ABI3BP: variants seen among roughly 807,000 people sequenced by gnomAD.
ABI3BP encodes target of Nesh-SH3.
In ABI3BP, 216 loss-of-function variants were observed where a neutral mutation model predicts 268.6. That is an observed-to-expected ratio of 0.80 (90% CI 0.72 to 0.90). ABI3BP has a LOEUF of 0.90. ABI3BP is among the 40% of genes least tolerant of loss of function. The pLI is 0.00. For synonymous variants in ABI3BP, 730 were observed against 730.0 expected, an observed-to-expected ratio of 1.00 and a Z score of 0.00; for missense variants, 2,090 against 2,182.4, an observed-to-expected ratio of 0.96 and a Z score of 0.84.
At chr3:100,813,796 G>T in intron 44 of ABI3BP, 61 bp from the exon 45 acceptor site, 1 of 1,359,834 alleles carries the variant, frequency 7.4e-7, no homozygotes, top group South Asian at 1.3e-5. Flanking sequence ...ATAGGTTTTA[G>T]ACAGAGGTAG....
chr3:100,755,839 CT>C (rs1256890027), intron 63 of ABI3BP, among the ~76,000 whole-genome samples: 2 of 152,088 alleles, frequency 1.3e-5, no homozygotes, highest in Non-Finnish European at 2.9e-5. Flanking sequence ...TTGCTCAAGG[CT>C]TTTGGGAGAT....
intron 53 of ABI3BP, 101 bp from the exon 54 acceptor site, chr3:100,795,104 G>A (rs991731441): frequency 4.1e-6 from 3 of 740,494 alleles, no homozygotes; most frequent in East Asian, 3.2e-5. Context: ...AGTAGAAAAA[G>A]GAAAGAAGAA....
chr3:100,875,007 A>T (rs1353118465), intron 8 of ABI3BP, 74 bp from the exon 9 acceptor site: 1 of 817,036 alleles, frequency 1.2e-6, no homozygotes, highest in East Asian at 2.7e-5. Flanking sequence ...TCAGCACATC[A>T]GATATTACAA....
chr3:100,898,863 C>A lies in ABI3BP; in HGVS notation c.360G>T (p.Leu120=), dbSNP rs1167593729. 2.5e-6 allele frequency: 4 copies of A among 1,612,846 alleles called. No homozygotes were observed. The highest frequency in any genetic ancestry group is 3.4e-6 in the Non-Finnish European group (4 of 1,179,526). ...GKTRSRKPLQ[L]VVGTLTPSSV... is the part of the protein sequence containing the mutation. ...AGCTCGGTGTCAGAGTGCCAACCAC[C>A]AGCTGCAGAGGTTTGCGAGAACGAG... Residue 120 remains leucine, a synonymous_variant, in exon 4 of 68, where the codon CTG becomes CTT. Coordinates refer to ENST00000471714, the MANE Select transcript of ABI3BP (RefSeq NM_001375547.2).
At chr3:100,851,851 A>T (rs1209119803) in intron 15 of ABI3BP, 24 bp downstream of exon 15, 2 of 1,563,376 alleles carry the variant, frequency 1.3e-6, no homozygotes, top group Non-Finnish European at 1.7e-6. Context: ...GGATCCAAAG[A>T]CAGAATTGAG....
chr3:100,939,752 T>A (rs2068020742), intron 1 of ABI3BP, among the ~76,000 whole-genome samples: 1 of 152,032 alleles, frequency 6.6e-6, no homozygotes, highest in Non-Finnish European at 1.5e-5. Context: ...GAGACAGGGT[T>A]TTGAGAGCAA....
chr3:100,985,409 A>G (rs1217442723), intron 1 of ABI3BP, among the ~76,000 whole-genome samples: 1 of 152,000 alleles, frequency 6.6e-6, no homozygotes, highest in African/African-American at 2.4e-5. Flanking sequence ...TTGGCCTCCC[A>G]AAGTGCTGGG....
At chr3:100,937,267 A>G (rs1383563964) in intron 1 of ABI3BP, among the ~76,000 whole-genome samples, 10 of 152,044 alleles carry the variant, frequency 6.6e-5, no homozygotes, top group African/African-American at 2.4e-4. Context: ...AAATGGTCTA[A>G]CCACTTGGGA....
chr3:100,943,863 A>C (rs1322877240), intron 1 of ABI3BP, among the ~76,000 whole-genome samples: 1 of 152,098 alleles, frequency 6.6e-6, no homozygotes, highest in African/African-American at 2.4e-5. Flanking sequence ...TATGATGATA[A>C]AATTTTTTCC....
intron 2 of ABI3BP, among the ~76,000 whole-genome samples, chr3:100,909,559 A>C (rs970121081): frequency 2.6e-5 from 4 of 152,214 alleles, no homozygotes; most frequent in African/African-American, 7.2e-5. Flanking sequence ...GAACTTAAAC[A>C]AATTTACAAG....
intron 1 of ABI3BP, among the ~76,000 whole-genome samples, chr3:100,968,938 TAC>T (rs1386588313): frequency 6.6e-6 from 1 of 152,152 alleles, no homozygotes; most frequent in African/African-American, 2.4e-5. Context: ...TAAAAAAAAG[TAC>T]AGATTATTCT....
chr3:100,851,177 T>A (rs962974385), intron 15 of ABI3BP, among the ~76,000 whole-genome samples: 1 of 152,152 alleles, frequency 6.6e-6, no homozygotes, highest in Non-Finnish European at 1.5e-5. Context: ...TCCCTTTGAA[T>A]CTCCTACAGT....
intron 1 of ABI3BP, among the ~76,000 whole-genome samples, chr3:100,985,351 A>G (rs940726810): frequency 1.5e-4 from 22 of 151,638 alleles, no homozygotes; most frequent in Middle Eastern, 3.4e-3. Flanking sequence ...GGGTTTCACC[A>G]TGTTAGCCAG....
chr3:100,775,198 C>T lies in ABI3BP; in HGVS notation c.4462+9G>A. The T allele has an allele frequency of 6.2e-7, 1 of 1,612,364 alleles. No homozygotes were observed. On this transcript the variant is annotated intron_variant, in intron 60 of 67. Transcript: ENST00000471714. The stretch of plus-strand genomic sequence containing the variant: ...TAAGTATCCAGTGAGAACTGATGGC[C>T]ATACGAACCCAGTTCTTCTCCAGAG...
At chr3:100,955,306 C>T (rs2076441812) in intron 1 of ABI3BP, among the ~76,000 whole-genome samples, 1 of 152,140 alleles carries the variant, frequency 6.6e-6, no homozygotes, top group South Asian at 2.1e-4. Flanking sequence ...CAGAGCAGGG[C>T]AAGGCACAGG....
rs771310832 is a variant in ABI3BP, at chr3:100,780,236, TA to T, written c.4163-28del. On this transcript the variant is annotated intron_variant, in intron 57 of 67. Coordinates refer to ENST00000471714, the MANE Select transcript of ABI3BP (RefSeq NM_001375547.2). ...TATGAGCAGAGATAATGAAAGGGAA[TA>T]AACATATAGCAAAAATGTTCCATGG... is the stretch of plus-strand genomic sequence containing the variant. The T allele has an allele frequency of 3.9e-5, 62 of 1,602,742 alleles. 1 individual carries two copies. In the Admixed American group the frequency reaches 6.3e-4, roughly 16 times the overall value.
chr3:100,853,370 G>T (rs1320970896), intron 14 of ABI3BP, among the ~76,000 whole-genome samples: 1 of 152,162 alleles, frequency 6.6e-6, no homozygotes, highest in Non-Finnish European at 1.5e-5. Context: ...TTAATCAAAA[G>T]TGCCCGCAAT....
At chr3:100,875,351 G>T (rs1409011671) in intron 8 of ABI3BP, among the ~76,000 whole-genome samples, 157 bp downstream of exon 8, 1 of 152,200 alleles carries the variant, frequency 6.6e-6, no homozygotes, top group Non-Finnish European at 1.5e-5. Context: ...TTGGCTCCTA[G>T]CCTGGAATGG....
intron 2 of ABI3BP, among the ~76,000 whole-genome samples, chr3:100,920,175 G>A (rs1265787916): frequency 3.3e-5 from 5 of 152,002 alleles, no homozygotes; most frequent in South Asian, 2.1e-4. Context: ...CACTATCTCC[G>A]CACCCACAAA....
Sources: allele counts gnomAD v4.1 joint callset (sites outside exome capture counted in the v4.1 genomes callset), GRCh38; gene constraint gnomAD v4.1.1; transcripts MANE v1.5; gene names NCBI Gene and HGNC (gene_info 2026-07-23, HGNC 2026-07-21).